The following CHD7 variants were observed in gnomAD, a reference collection of about 807,000 sequenced individuals.
CHD7 encodes the protein ATP-dependent chromatin remodeler CHD7.
Under a neutral mutation model 307.3 loss-of-function variants are expected in CHD7, and 24 were observed. The ratio of observed to expected loss-of-function variants is 0.08; its 90% CI spans 0.06 to 0.11. CHD7 has a LOEUF of 0.11. CHD7 is among the 10% of genes least tolerant of loss of function. The probability of loss-of-function intolerance (pLI) is 1.00; values close to 1 mark genes in which losing one functional copy is unlikely to be tolerated. For synonymous variants in CHD7, 1,363 were observed against 1,349.9 expected (o/e 1.01, Z -0.21); for missense variants, 3,106 against 3,727.1 (o/e 0.83, Z 4.34).
Position 60,853,609 on chromosome 8 carries a change from A to G in CHD7, c.6775+109A>G, listed in dbSNP as rs1041987034. On this transcript the variant is annotated intron_variant, in intron 31 of 37. Transcript: ENST00000423902. ...TCTTTTTCACGAGTACTTAGTGTAC[A>G]TTTTCTTCTGTGAAGGGATAATTTC... 9 of 856,502 alleles carry G rather than the reference A, an allele frequency of 1.1e-5. No homozygotes were observed. In the African/African-American group the frequency reaches 1.2e-4, roughly 11 times the overall value. 53.1% of individuals were successfully genotyped at this position (856,502 alleles called of 1,614,324 possible).
chr8:60,699,400 G>C (rs1806644916), intron 1 of CHD7, among the ~76,000 whole-genome samples: 1 of 152,186 alleles, frequency 6.6e-6, no homozygotes, highest in South Asian at 2.1e-4. Flanking sequence ...AACAAATTAT[G>C]TGATCATCCA....
At chr8:60,697,823 A>G (rs1680400709) in intron 1 of CHD7, among the ~76,000 whole-genome samples, 1 of 152,234 alleles carries the variant, frequency 6.6e-6, no homozygotes, top group African/African-American at 2.4e-5. Flanking sequence ...TATGTATATC[A>G]CTTTAATCAC....
intron 2 of CHD7, among the ~76,000 whole-genome samples, chr8:60,748,765 G>T (rs1436734201): frequency 6.6e-6 from 1 of 152,112 alleles, no homozygotes; most frequent in African/African-American, 2.4e-5. Flanking sequence ...GAATTTTTAG[G>T]ATCTGCAACA....
chr8:60,742,602 T>C lies in CHD7; in HGVS notation c.1170T>C (p.Tyr390=), dbSNP rs554737227. The change falls in exon 2 of 38, where the codon TAT becomes TAC. Residue 390 remains tyrosine (Y), a synonymous_variant. Coordinates refer to ENST00000423902, the MANE Select transcript of CHD7 (RefSeq NM_017780.4). The stretch of plus-strand genomic sequence containing the variant: ...ATCCTTCACAGCCTCAGGGAACTTA[T>C]GCCTCTCCACCTCCCATGTCACCCA... ...TMHPSQPQGT[Y]ASPPPMSPMK... 3.2e-5 allele frequency: 51 copies of C among 1,613,692 alleles called. No individual in the cohort carries two copies. The highest frequency in any genetic ancestry group is 3.3e-4 in the Middle Eastern group (2 of 6,060).
At chr8:60,754,800 A>G (rs1237989543) in intron 2 of CHD7, among the ~76,000 whole-genome samples, 1 of 152,246 alleles carries the variant, frequency 6.6e-6, no homozygotes, top group Non-Finnish European at 1.5e-5. Flanking sequence ...CCTGTTTCAT[A>G]TTGCTAGGGA....
In CHD7 at chr8:60,865,513, G is replaced by C. The variant is rs1806203830; in HGVS notation, c.8574G>C (p.Glu2858Asp). The change falls in exon 38 of 38, where the codon GAG (glutamate) becomes GAC (aspartate). Residue 2858 changes from glutamate (E) to aspartate (D), a missense_variant. Glu to Asp is a conservative substitution (Grantham distance 45, BLOSUM62 2). Coordinates refer to ENST00000423902, the MANE Select transcript of CHD7 (RefSeq NM_017780.4). The surrounding 1 kb of genome is among the most constrained non-coding windows in gnomAD (Gnocchi z 4.3). ...NENEDENKDS[E>D]KSTDAVSAAD... ...ATGAAGACGAGAACAAAGACTCTGA[G>C]AAAAGCACAGATGCTGTTTCGGCTG... 1.2e-6 allele frequency: 2 copies of C among 1,614,072 alleles called. No homozygotes were observed. The highest frequency in any genetic ancestry group is 1.7e-6 in the Non-Finnish European group (2 of 1,179,904).
At chr8:60,753,660 G>T (rs750450671) in intron 2 of CHD7, among the ~76,000 whole-genome samples, 1 of 151,270 alleles carries the variant, frequency 6.6e-6, no homozygotes, top group Non-Finnish European at 1.5e-5. Context: ...TTGCTCTGTC[G>T]CCCAGGAGAT....
chr8:60,748,753 T>A (rs1380005277), intron 2 of CHD7, among the ~76,000 whole-genome samples: 1 of 152,214 alleles, frequency 6.6e-6, no homozygotes, highest in African/African-American at 2.4e-5. Flanking sequence ...AAAGTTCTAG[T>A]TGAATTTTTA....
chr8:60,850,147 A>G (rs1805388095), intron 25 of CHD7, among the ~76,000 whole-genome samples: 2 of 152,226 alleles, frequency 1.3e-5, no homozygotes, highest in Admixed American at 1.3e-4. Context: ...TGCAGAGGTC[A>G]TAAAGGAACA....
At chr8:60,769,712 C>G (rs1013347482) in intron 2 of CHD7, among the ~76,000 whole-genome samples, 1 of 152,148 alleles carries the variant, frequency 6.6e-6, no homozygotes, top group East Asian at 1.9e-4. Flanking sequence ...TGAATTTTTA[C>G]TAGTCTCTTT....
chr8:60,863,549 G>C (rs1027193721), intron 37 of CHD7: 1 of 152,004 alleles, frequency 6.6e-6, no homozygotes, highest in Non-Finnish European at 1.5e-5. Context: ...ACAGGTTTTG[G>C]TGTGAACATA....
rs748470843 is a variant in CHD7 at position 60,830,436 on chromosome 8, A to G, written c.3637A>G (p.Ile1213Val). 3 of 1,614,036 alleles carry G rather than the reference A, an allele frequency of 1.9e-6. No individual in the cohort carries two copies. Among genetic ancestry groups the G allele is most frequent in the African/African-American group, 1.3e-5 (1 of 75,058 alleles). Residue 1213 changes from isoleucine (I) to valine (V), a missense_variant, in exon 15 of 38, where the codon ATT becomes GTT. By Grantham distance (29) the Ile-to-Val change is conservative. This residue lies in a region of CHD7 where 232 missense variants were observed against 422.5 expected (regional missense o/e 0.55). Transcript: ENST00000423902. ...TATTATTGAAGTTGAGCTAACAAAC[A>G]TTCAGAAGAAATATTACCGAGCCAT... is the stretch of plus-strand genomic sequence containing the variant. Reference protein sequence around the residue: ...ETIIEVELTNIQKKYYRAILE... With the variant: ...ETIIEVELTNVQKKYYRAILE...
rs1001964421 is a variant in CHD7 at position 60,838,342 on chromosome 8, T to G, written c.4533+87T>G. 12 of 1,192,282 alleles carry G rather than the reference T, an allele frequency of 1.0e-5. No individual in the cohort carries two copies. In the African/African-American group the frequency reaches 1.8e-4, roughly 18 times the overall value. 73.9% of individuals were successfully genotyped at this position (1,192,282 alleles called of 1,614,324 possible). A position where few individuals can be genotyped will look rare whatever the true frequency, so the allele number is the denominator to read the frequency against. On this transcript the variant is annotated intron_variant, in intron 19 of 37. Coordinates refer to ENST00000423902, the MANE Select transcript of CHD7 (RefSeq NM_017780.4). ...GTACCTTGTAAAAGTGCTTACAAGA[T>G]GCATTGGGAATTAATCAAATTAATC...
chr8:60,703,068 A>G (rs1806846328), intron 1 of CHD7, among the ~76,000 whole-genome samples: 1 of 152,208 alleles, frequency 6.6e-6, no homozygotes, highest in African/African-American at 2.4e-5. Flanking sequence ...AGAAGGGAAT[A>G]CTTCAGGGAG....
At chr8:60,794,646 A>G (rs1039776522) in intron 3 of CHD7, among the ~76,000 whole-genome samples, 1 of 152,186 alleles carries the variant, frequency 6.6e-6, no homozygotes, top group Non-Finnish European at 1.5e-5. Flanking sequence ...CAATTAAAAA[A>G]AAGTGTTCTG....
chr8:60,742,383 C>T lies in CHD7; in HGVS notation c.951C>T (p.Asn317=), dbSNP rs770785044. The T allele has an allele frequency of 5.0e-6, 8 of 1,613,966 alleles. No individual in the cohort carries two copies. The highest frequency in any genetic ancestry group is 1.1e-5 in the South Asian group (1 of 91,076). Residue 317 remains asparagine (N), a synonymous_variant, in exon 2 of 38, where the codon AAC becomes AAT. Coordinates refer to ENST00000423902, the MANE Select transcript of CHD7 (RefSeq NM_017780.4). The stretch of plus-strand genomic sequence containing the variant: ...AGTATTCTCGATATCCTTACAGTAA[C>T]CTAAATCAGGGATTAGTTAACAATA... The part of the protein sequence containing the change: ...SGQYSRYPYS[N]LNQGLVNNTG...
intron 1 of CHD7, among the ~76,000 whole-genome samples, chr8:60,710,037 A>C (rs185431749): frequency 1.3e-5 from 2 of 151,772 alleles, no homozygotes; most frequent in Admixed American, 1.3e-4. Context: ...TAATACAAAA[A>C]TCCACTCCAT....
At chr8:60,744,290 A>G (rs1422974666) in intron 2 of CHD7, among the ~76,000 whole-genome samples, 1 of 152,168 alleles carries the variant, frequency 6.6e-6, no homozygotes, top group Non-Finnish European at 1.5e-5. Flanking sequence ...GGAGGGAGCC[A>G]GTGATATTGA....
chr8:60,794,646 AAAGT>A (rs951591647), intron 3 of CHD7, among the ~76,000 whole-genome samples: 1 of 152,186 alleles, frequency 6.6e-6, no homozygotes, highest in African/African-American at 2.4e-5. Flanking sequence ...CAATTAAAAA[AAAGT>A]GTTCTGTACC....
Sources: gnomAD v4.1 joint callset for allele counts (sites outside exome capture counted in the v4.1 genomes callset) on GRCh38, gnomAD v4.1.1 for gene constraint, gnomAD v4.1.1 regional missense constraint, Gnocchi (gnomAD v3.1) non-coding constraint, MANE v1.5 for transcripts, NCBI Gene and HGNC (gene_info 2026-07-23, HGNC 2026-07-21) for gene names.